Variants in XG observed in about 807,000 individuals in gnomAD.
XG encodes Xg glycoprotein (Xg blood group).
A neutral mutation model predicts 25.7 loss-of-function variants in XG; 24 were observed. The ratio of observed to expected loss-of-function variants is 0.93; its 90% confidence interval spans 0.68 to 1.31. The LOEUF is 1.31. Among genes scored for constraint, XG ranks in the 40% most tolerant of loss-of-function variants. XG has a pLI of 0.00. For synonymous variants in XG, 77 were observed against 69.2 expected, an observed-to-expected ratio of 1.11 and a Z score of -0.56; for missense variants, 181 against 187.6, an observed-to-expected ratio of 0.96 and a Z score of 0.21.
chrX:2,752,109 C>G lies in XG; in HGVS notation c.-166C>G. ...TGGAGTTTGGGATCTGAGCTTGGAGCCCATTTGTTTCTGGCAGTTCCGCTC... is the reference window on the plus strand; with the variant it reads ...TGGAGTTTGGGATCTGAGCTTGGAGGCCATTTGTTTCTGGCAGTTCCGCTC... On this transcript the variant is annotated 5_prime_UTR_variant, in exon 1 of 11. Coordinates refer to ENST00000644266, the MANE Select transcript of XG (RefSeq NM_001141919.2). 8.7e-7 allele frequency: 1 copy of G among 1,149,374 alleles called. No individual in the cohort carries two copies. The highest frequency in any genetic ancestry group is 1.2e-6 in the Non-Finnish European group (1 of 813,212). 71.2% of individuals were successfully genotyped at this position (1,149,374 alleles called of 1,614,324 possible).
At chrX:2,810,471 T>C (rs1428462484) in intron 9 of XG, among the ~76,000 whole-genome samples, 1 of 110,673 alleles carries the variant, frequency 9.0e-6, no homozygotes, top group Non-Finnish European at 1.9e-5. Context: ...ACAATATTTT[T>C]GCATGAGTGG....
chrX:2,797,200 G>A (rs2086893509), intron 6 of XG, 110 bp from the exon 7 acceptor site: 2 of 815,143 alleles, frequency 2.5e-6, no homozygotes, highest in South Asian at 2.4e-5. Context: ...GCAGTGACAC[G>A]TTCACACGAC....
At chrX:2,808,986 A>G (rs1282977130) in intron 9 of XG, among the ~76,000 whole-genome samples, 2 of 111,682 alleles carry the variant, frequency 1.8e-5, no homozygotes, top group African/African-American at 6.5e-5. Flanking sequence ...TAAACAAGTA[A>G]TTGCAGTCAA....
intron 5 of XG, among the ~76,000 whole-genome samples, chrX:2,790,457 G>A (rs1335546352): frequency 3.0e-5 from 3 of 99,262 alleles, no homozygotes; most frequent in Non-Finnish European, 4.0e-5. Flanking sequence ...TTGAGATCAC[G>A]CCACAGCACT....
intron 10 of XG, among the ~76,000 whole-genome samples, chrX:2,813,851 T>A (rs753252013): frequency 8.4e-4 from 95 of 112,920 alleles, no homozygotes; most frequent in Non-Finnish European, 1.7e-3. Flanking sequence ...TCATTTAAGA[T>A]CATCAAAATC....
Position 2,772,830 on chromosome X carries a change from G to A in XG, c.104-1886G>A, listed in dbSNP as rs755063878. Among the ~76,000 whole-genome samples the A allele has an allele frequency of 4.1e-4, 62 of 152,196 alleles. 1 individual carries two copies. The highest frequency in any genetic ancestry group is 1.4e-3 in the African/African-American group (57 of 41,530). ...CTGCAAACACATCTTTGAATGCATC[G>A]TTTTGCTACCAAGAGCCCCCCATGA... On this transcript the variant is annotated intron_variant, in intron 2 of 10. Transcript: ENST00000644266.
intron 3 of XG, among the ~76,000 whole-genome samples, chrX:2,775,829 G>A (rs1046447335): frequency 2.6e-5 from 4 of 151,446 alleles, no homozygotes; most frequent in Non-Finnish European, 2.9e-5. Flanking sequence ...GATGGCACAT[G>A]TCTGTAATCC....
intron 9 of XG, among the ~76,000 whole-genome samples, chrX:2,809,549 A>G (rs780999466): frequency 1.8e-5 from 2 of 112,346 alleles, no homozygotes; most frequent in South Asian, 7.5e-4. Flanking sequence ...GAGAGAGAGG[A>G]AAAGGTATGT....
chrX:2,794,705 G>A, intron 6 of XG, 102 bp downstream of exon 6: 2 of 949,077 alleles, frequency 2.1e-6, no homozygotes, highest in Non-Finnish European at 2.9e-6. Flanking sequence ...TTGGGGCAGA[G>A]TTGGTGACGA....
chrX:2,767,132 A>G (rs1268036850), intron 1 of XG, among the ~76,000 whole-genome samples: 1 of 152,084 alleles, frequency 6.6e-6, no homozygotes, highest in Non-Finnish European at 1.5e-5. Context: ...TGCAGGTCTG[A>G]ATCAACATAA....
chrX:2,752,940 C>T (rs983009138), intron 1 of XG: 16 of 985,390 alleles, frequency 1.6e-5, no homozygotes, highest in Admixed American at 6.1e-5. Flanking sequence ...CAGTTCCGTA[C>T]GAGGACCTCT....
At chrX:2,782,234 T>C in intron 4 of XG, 106 bp downstream of exon 4, 1 of 881,419 alleles carries the variant, frequency 1.1e-6, no homozygotes, top group South Asian at 2.2e-5. Flanking sequence ...ATGTGTGTAA[T>C]AGCTCCCTTA....
chrX:2,762,233 C>T (rs1416746395), intron 1 of XG, among the ~76,000 whole-genome samples: 20 of 152,146 alleles, frequency 1.3e-4, no homozygotes, highest in Admixed American at 1.2e-3. Flanking sequence ...CAAAATACTT[C>T]GATCTCTGCA....
At chrX:2,810,077 G>A (rs1268212351) in intron 9 of XG, among the ~76,000 whole-genome samples, 10 of 111,565 alleles carry the variant, frequency 9.0e-5, no homozygotes, top group African/African-American at 3.3e-4. Context: ...AGGGTGTGGC[G>A]GGCGGCAGCA....
At chrX:2,781,679 G>C (rs2086729748) in intron 3 of XG, among the ~76,000 whole-genome samples, 1 of 111,730 alleles carries the variant, frequency 9.0e-6, no homozygotes, top group African/African-American at 3.3e-5. Flanking sequence ...TAGCAACCCA[G>C]TTGGGTCCGG....
intron 4 of XG, among the ~76,000 whole-genome samples, chrX:2,784,593 G>GA (rs1018482489): frequency 2.0e-4 from 21 of 104,017 alleles, no homozygotes; most frequent in Non-Finnish European, 1.8e-4. Flanking sequence ...AAAAGAATAA[G>GA]AAAAAAAAAA....
chrX:2,787,123 G>T (rs1603457511), intron 4 of XG, among the ~76,000 whole-genome samples: 2 of 103,359 alleles, frequency 1.9e-5, no homozygotes, highest in African/African-American at 7.2e-5. Flanking sequence ...GGAGGAATCA[G>T]CCCAGCCCAC....
intron 2 of XG, among the ~76,000 whole-genome samples, chrX:2,771,509 AAGTCCTGCTTGAGGCAGAT>A: frequency 6.6e-6 from 1 of 152,216 alleles, no homozygotes; most frequent in East Asian, 1.9e-4. Flanking sequence ...GCCCTGCAGA[AAGTCCTGCTTGAGGCAGAT>A]AGTCTGATTG....
chrX:2,765,156 G>C (rs186024254), intron 1 of XG, among the ~76,000 whole-genome samples: 1 of 151,794 alleles, frequency 6.6e-6, no homozygotes, highest in African/African-American at 2.4e-5. Flanking sequence ...GACCAGCCTG[G>C]CCAACATGGT....
Sources: gnomAD v4.1 joint callset for allele counts (sites outside exome capture counted in the v4.1 genomes callset) on GRCh38, gnomAD v4.1.1 for gene constraint, MANE v1.5 for transcripts, NCBI Gene and HGNC (gene_info 2026-07-23, HGNC 2026-07-21) for gene names.